The following GMDS variants were observed in gnomAD, a reference collection of about 807,000 sequenced individuals.
GMDS encodes GDP-mannose 4,6 dehydratase.
Under a neutral mutation model 49.9 loss-of-function variants are expected in GMDS, and 20 were observed. That is an observed-to-expected ratio of 0.40 (90% confidence interval 0.28 to 0.58). The LOEUF is 0.58. GMDS is among the 20% of genes least tolerant of loss of function. GMDS has a pLI of 0.42. For synonymous variants in GMDS, 177 were observed against 178.6 expected (o/e 0.99, Z 0.07); for missense variants, 362 against 481.4 (o/e 0.75, Z 2.32).
At chr6:1,966,308 G>A (rs1359965865) in intron 4 of GMDS, among the ~76,000 whole-genome samples, 1 of 150,522 alleles carries the variant, frequency 6.6e-6, no homozygotes, top group Non-Finnish European at 1.5e-5. Context: ...TCAGAGGCAT[G>A]CAGACCAAGT....
chr6:1,878,109 C>A (rs150339051), intron 7 of GMDS, among the ~76,000 whole-genome samples: 1 of 151,930 alleles, frequency 6.6e-6, no homozygotes, highest in Non-Finnish European at 1.5e-5. Flanking sequence ...GTCAGGAGAT[C>A]GAGACCATCC....
At chr6:2,017,348 T>C (rs1240814358) in intron 4 of GMDS, among the ~76,000 whole-genome samples, 1 of 152,012 alleles carries the variant, frequency 6.6e-6, no homozygotes, top group African/African-American at 2.4e-5. Context: ...TCACTCTGTT[T>C]GCCAGGCAGG....
chr6:1,976,982 A>C (rs937348013), intron 4 of GMDS, among the ~76,000 whole-genome samples: 3 of 152,200 alleles, frequency 2.0e-5, no homozygotes, highest in African/African-American at 7.2e-5. Context: ...GGCTGATGAG[A>C]AACAAGCAAA....
At chr6:1,889,040 C>T (rs1410764627) in intron 7 of GMDS, among the ~76,000 whole-genome samples, 5 of 152,204 alleles carry the variant, frequency 3.3e-5, no homozygotes, top group Non-Finnish European at 7.3e-5. Context: ...TGAACCACTG[C>T]ACCTGGTCAG....
chr6:1,970,452 G>A (rs907891536), intron 4 of GMDS, among the ~76,000 whole-genome samples: 10 of 152,300 alleles, frequency 6.6e-5, no homozygotes, highest in Admixed American at 5.2e-4. Flanking sequence ...TAGGAGTCAG[G>A]CAGGTGCAGA....
intron 1 of GMDS, among the ~76,000 whole-genome samples, chr6:2,244,637 C>T (rs939080743): frequency 2.0e-5 from 3 of 152,202 alleles, no homozygotes; most frequent in African/African-American, 7.2e-5. Context: ...CCTTACTCGA[C>T]GAACTTATTC....
intron 4 of GMDS, among the ~76,000 whole-genome samples, chr6:2,016,764 AACG>A (rs1186809163): frequency 2.6e-5 from 4 of 152,146 alleles, no homozygotes; most frequent in Non-Finnish European, 4.4e-5. Flanking sequence ...AATCAATAAA[AACG>A]ACTTCTAGAA....
At chr6:2,027,914 C>T (rs1304337479) in intron 4 of GMDS, among the ~76,000 whole-genome samples, 1 of 152,146 alleles carries the variant, frequency 6.6e-6, no homozygotes, top group Non-Finnish European at 1.5e-5. Context: ...CTCATTGCCA[C>T]TGCAGAGTCC....
chr6:1,925,957 T>C (rs1388375987), intron 7 of GMDS, among the ~76,000 whole-genome samples: 1 of 152,048 alleles, frequency 6.6e-6, no homozygotes, highest in Non-Finnish European at 1.5e-5. Flanking sequence ...GTCGAGAGCA[T>C]ACCAACAGGC....
At chr6:1,783,654 T>G (rs1769199967) in intron 7 of GMDS, among the ~76,000 whole-genome samples, 1 of 152,236 alleles carries the variant, frequency 6.6e-6, no homozygotes, top group Admixed American at 6.5e-5. Flanking sequence ...ATGTTTTACA[T>G]AGGTAGTGAT....
intron 4 of GMDS, among the ~76,000 whole-genome samples, chr6:1,996,592 ACT>A (rs1221639147): frequency 2.6e-5 from 4 of 151,942 alleles, no homozygotes; most frequent in African/African-American, 9.7e-5. Flanking sequence ...ATATTTCTCC[ACT>A]CTCTGCATCA....
chr6:2,195,721 C>T (rs898107666), intron 1 of GMDS, among the ~76,000 whole-genome samples: 1 of 151,550 alleles, frequency 6.6e-6, no homozygotes, highest in South Asian at 2.1e-4. Flanking sequence ...GCAGCTCATG[C>T]CTATAACCCC....
At chr6:2,112,339 C>G (rs1355225803) in intron 4 of GMDS, among the ~76,000 whole-genome samples, 1 of 152,092 alleles carries the variant, frequency 6.6e-6, no homozygotes, top group Non-Finnish European at 1.5e-5. Context: ...ACATCAAACT[C>G]AAAAACCTAT....
intron 4 of GMDS, among the ~76,000 whole-genome samples, chr6:2,031,670 A>G (rs529257386): frequency 6.6e-6 from 1 of 152,158 alleles, no homozygotes; most frequent in Non-Finnish European, 1.5e-5. Context: ...AAACAGAAGT[A>G]AAAAACAGAG....
At chr6:1,959,585 C>T (rs1763827542) in intron 6 of GMDS, 3 of 226,264 alleles carry the variant, frequency 1.3e-5, no homozygotes, top group Admixed American at 5.5e-5. Flanking sequence ...CTTCCTAATA[C>T]TCAGGTTGAA....
rs539515529 is a variant in GMDS at position 2,075,843 on chromosome 6, CA to C, written c.345+39927del. Among the ~76,000 whole-genome samples the C allele has an allele frequency of 9.1e-3, 1,391 of 152,354 alleles. 4 individuals carry two copies. Among genetic ancestry groups the C allele is most frequent in the Middle Eastern group, 0.02 (6 of 294 alleles). ...TGAGGGATCGCCACACTGACTTCCA[CA>C]ATGGTTGAACTAGTTCACAGTCCCA... On this transcript the variant is annotated intron_variant, in intron 4 of 10. Coordinates refer to ENST00000380815, the MANE Select transcript of GMDS (RefSeq NM_001500.4).
intron 7 of GMDS, among the ~76,000 whole-genome samples, chr6:1,921,200 C>A (rs1451353343): frequency 2.0e-5 from 3 of 152,208 alleles, no homozygotes; most frequent in East Asian, 3.8e-4. Flanking sequence ...TCCATACATA[C>A]CCTGGCCAAT....
rs542893850 is a variant in GMDS at position 1,910,335 on chromosome 6, C to T, written c.771+19768G>A. On this transcript the variant is annotated intron_variant, in intron 7 of 10. Coordinates refer to ENST00000380815, the MANE Select transcript of GMDS (RefSeq NM_001500.4). ...AACTGAAAAAAAAAAGAAGATGATA[C>T]TGGGCTTTATAAATAATTTGTTTCA... is the stretch of plus-strand genomic sequence containing the variant. Among the ~76,000 whole-genome samples the T allele has an allele frequency of 2.7e-5, 4 of 149,946 alleles. No individual in the cohort carries two copies. The South Asian group carries it at 8.5e-4, about 32-fold the overall frequency.
At chr6:2,091,857 C>A (rs1017164746) in intron 4 of GMDS, among the ~76,000 whole-genome samples, 7 of 151,748 alleles carry the variant, frequency 4.6e-5, no homozygotes, top group Non-Finnish European at 1.0e-4. Context: ...TATGGCACCA[C>A]TGCACTCCAA....
Sources: allele counts gnomAD v4.1 joint callset (sites outside exome capture counted in the v4.1 genomes callset), GRCh38; gene constraint gnomAD v4.1.1; transcripts MANE v1.5; gene names NCBI Gene and HGNC (gene_info 2026-07-23, HGNC 2026-07-21).